CCDC187: variants seen among roughly 807,000 people sequenced by gnomAD.
The protein encoded by CCDC187 is coiled-coil domain-containing protein 187.
CCDC187 carries 32 observed loss-of-function variants against 38.0 expected under a neutral mutation model. The ratio of observed to expected loss-of-function variants is 0.84; its 90% CI spans 0.64 to 1.13. CCDC187 has a LOEUF of 1.13. Among genes scored for constraint, CCDC187 ranks in the 50% most tolerant of loss-of-function variants. CCDC187 has a pLI of 0.00. For missense variants in CCDC187, 707 were observed against 786.8 expected (o/e 0.90, Z 1.21); for synonymous variants, 333 against 347.9 (o/e 0.96, Z 0.48).
chr9:136,302,582 C>G (rs1398025935), intron 2 of CCDC187, among the ~76,000 whole-genome samples: 1 of 152,240 alleles, frequency 6.6e-6, no homozygotes, highest in Non-Finnish European at 1.5e-5. Flanking sequence ...GCCCCTCCCT[C>G]CTGGGCGCTG....
At position 136,293,329 on chromosome 9, in the gene CCDC187, TTA is replaced by T. The variant is rs1318293799; in HGVS notation, c.833-1036_833-1035del. Among the ~76,000 whole-genome samples the T allele has an allele frequency of 2.3e-3, 313 of 137,870 alleles. 2 individuals carry two copies. Among genetic ancestry groups the T allele is most frequent in the Non-Finnish European group, 2.3e-3 (150 of 64,818 alleles). The allele number at this position is 137,870 out of a possible 152,430, so 90.4% of individuals were successfully genotyped here. ...TGTTCACACACTCACACTCACATGC[TTA>T]CACACTCACACTCACATGCTCACAC... is the stretch of plus-strand genomic sequence containing the variant. On this transcript the variant is annotated intron_variant, in intron 4 of 25. Transcript: ENST00000638797.
At chr9:136,279,235 C>T (rs1459537790) in intron 10 of CCDC187, among the ~76,000 whole-genome samples, 1 of 152,200 alleles carries the variant, frequency 6.6e-6, no homozygotes, top group Non-Finnish European at 1.5e-5. Flanking sequence ...TTCCATTGGA[C>T]AGCTCTGGTC....
rs1830708409 is a variant in CCDC187, at chr9:136,263,769, C to CCTGCCTGTCCCGG, written c.3764_3765insCCGGGACAGGCAG (p.Gln1255HisfsTer109). ...GCTTCCTGTCCCGGTGCCTGAACAG[C>CCTGCCTGTCCCGG]TGCGTGTGTCTCAGGTATTGGATTT... On this transcript the variant is annotated frameshift_variant, in exon 18 of 26. Coordinates refer to ENST00000638797, the MANE Select transcript of CCDC187 (RefSeq NM_001378188.1). LOFTEE classifies it high-confidence loss of function. 2.0e-6 allele frequency: 2 copies of CCTGCCTGTCCCGG among 985,376 alleles called. No individual in the cohort carries two copies. Among genetic ancestry groups the CCTGCCTGTCCCGG allele is most frequent in the Admixed American group, 1.2e-4 (2 of 16,272 alleles). 61.0% of individuals were successfully genotyped at this position (985,376 alleles called of 1,614,324 possible).
At chr9:136,283,418 C>CGGACA (rs1831093897) in intron 9 of CCDC187, among the ~76,000 whole-genome samples, 1 of 152,224 alleles carries the variant, frequency 6.6e-6, no homozygotes, top group Non-Finnish European at 1.5e-5. Context: ...TGAGTGGCAA[C>CGGACA]GGACAGGCCA....
chr9:136,261,959 A>G (rs1271815262), intron 19 of CCDC187, among the ~76,000 whole-genome samples: 1 of 152,206 alleles, frequency 6.6e-6, no homozygotes, highest in Admixed American at 6.5e-5. Flanking sequence ...TCCTCCTCCC[A>G]TGGCCAGGCT....
intron 14 of CCDC187, among the ~76,000 whole-genome samples, chr9:136,272,497 C>T (rs985345281): frequency 2.0e-5 from 3 of 152,038 alleles, no homozygotes; most frequent in African/African-American, 7.2e-5. Flanking sequence ...GAGGTCAGGA[C>T]TTCGAGACCA....
intron 9 of CCDC187, 62 bp from the exon 10 acceptor site, chr9:136,281,725 G>A: frequency 5.0e-6 from 2 of 398,502 alleles, no homozygotes; most frequent in East Asian, 7.1e-5. Flanking sequence ...GAGGCAGGGA[G>A]ATCCGGGGGA....
At position 136,286,661 on chromosome 9, in the gene CCDC187, C is replaced by T. The variant is rs1055697739; in HGVS notation, c.2257G>A (p.Ala753Thr). ...CLCLNRAWNH[A>T]ETLDPPGMGG... ...ATCCCTGGGGGATCTAGGGTCTCAG[C>T]ATGGTTCCAGGCTCTGTTCAAACAC... The change falls in exon 8 of 26, where the codon GCT becomes ACT. Residue 753 changes from alanine (A) to threonine (T), a missense_variant. By Grantham distance (58) the Ala-to-Thr change is moderately conservative. Coordinates refer to ENST00000638797, the MANE Select transcript of CCDC187 (RefSeq NM_001378188.1). 32 of 398,752 alleles carry T rather than the reference C, an allele frequency of 8.0e-5. No individual in the cohort carries two copies. The highest frequency in any genetic ancestry group is 1.2e-3 in the Middle Eastern group (2 of 1,610). 24.7% of individuals were successfully genotyped at this position (398,752 alleles called of 1,614,324 possible).
chr9:136,287,159 CG>C (rs1831201710), intron 7 of CCDC187, among the ~76,000 whole-genome samples: 1 of 152,186 alleles, frequency 6.6e-6, no homozygotes, highest in Non-Finnish European at 1.5e-5. Flanking sequence ...TCCACCGACA[CG>C]GCGGAATAGT....
intron 19 of CCDC187, among the ~76,000 whole-genome samples, chr9:136,260,475 A>T (rs1276244559): frequency 1.3e-5 from 2 of 151,266 alleles, no homozygotes; most frequent in Admixed American, 1.3e-4. Context: ...TCTCCCCAGC[A>T]TGTGGCCCCT....
At chr9:136,275,997 G>A (rs1830924347) in intron 12 of CCDC187, among the ~76,000 whole-genome samples, 197 bp downstream of exon 12, 1 of 152,160 alleles carries the variant, frequency 6.6e-6, no homozygotes, top group Non-Finnish European at 1.5e-5. Flanking sequence ...GCGCCCCCAG[G>A]ACACATGTGG....
In CCDC187 at chr9:136,303,857, T is replaced by TGC. The variant is rs1831751848; in HGVS notation, c.-29_-28dup. ...GCCGCGGGGCTGAGGGGAGAGCAGG[T>TGC]GCAAGGTCAACCTGGCCCGCCCTGC... On this transcript the variant is annotated 5_prime_UTR_variant, in exon 1 of 26. Transcript: ENST00000638797. The TGC allele has an allele frequency of 6.6e-6, 1 of 152,326 alleles. No homozygotes were observed. The highest frequency in any genetic ancestry group is 1.5e-5 in the Non-Finnish European group (1 of 68,152). The allele number at this position is 152,326 out of a possible 1,614,324, so 9.4% of individuals were successfully genotyped here.
At chr9:136,284,312 A>G (rs914292759) in intron 9 of CCDC187, among the ~76,000 whole-genome samples, 4,389 of 152,252 alleles carry the variant, frequency 0.029, 77 homozygotes, top group Middle Eastern at 0.082. Context: ...GGTGGGTGGC[A>G]TGACCCAGGC....
At chr9:136,255,608 T>G in intron 25 of CCDC187, 49 bp downstream of exon 25, 1 of 870,332 alleles carries the variant, frequency 1.1e-6, no homozygotes, top group Non-Finnish European at 1.4e-6. Context: ...TGGGGGACCC[T>G]TAGTGGGGAC....
At chr9:136,299,451 C>T (rs942905705) in intron 3 of CCDC187, among the ~76,000 whole-genome samples, 36 of 152,324 alleles carry the variant, frequency 2.4e-4, no homozygotes, top group South Asian at 4.1e-4. Flanking sequence ...GAAACGCCTC[C>T]GCTCCCAAGC....
rs1037674677 is a variant in CCDC187 at position 136,258,910 on chromosome 9, G to A, written c.4366+22C>T. The A allele has an allele frequency of 5.5e-5, 54 of 985,524 alleles. No individual in the cohort carries two copies. The highest frequency in any genetic ancestry group is 1.1e-4 in the East Asian group (1 of 8,790). The allele number at this position is 985,524 out of a possible 1,614,324, so 61.0% of individuals were successfully genotyped here. Reference sequence around the variant, plus strand: ...AGTGTCTGGCGCCGTGGAGGCCCACGCGGTGTTTCCAGGGTGCTTACCTGG... The same window carrying A: ...AGTGTCTGGCGCCGTGGAGGCCCACACGGTGTTTCCAGGGTGCTTACCTGG... On this transcript the variant is annotated intron_variant, in intron 22 of 25. Coordinates refer to ENST00000638797, the MANE Select transcript of CCDC187 (RefSeq NM_001378188.1). This position sits in a 1 kb window ranked among gnomAD's most constrained non-coding sequence, Gnocchi z 4.3.
At chr9:136,263,588 G>A in intron 18 of CCDC187, 34 bp downstream of exon 18, 2 of 985,060 alleles carry the variant, frequency 2.0e-6, no homozygotes, top group Non-Finnish European at 2.4e-6. Flanking sequence ...CAGCATTTCT[G>A]CAGCTGAGTC....
chr9:136,297,112 T>C (rs1414925130), intron 4 of CCDC187, among the ~76,000 whole-genome samples: 2 of 151,958 alleles, frequency 1.3e-5, no homozygotes, highest in African/African-American at 2.4e-5. Context: ...CATGCCAGTA[T>C]CTGTTACTGC....
Position 136,258,872 on chromosome 9 carries a change from T to C in CCDC187, c.4366+60A>G. The C allele has an allele frequency of 1.0e-6, 1 of 985,532 alleles. No individual in the cohort carries two copies. Among genetic ancestry groups the C allele is most frequent in the Non-Finnish European group, 1.2e-6 (1 of 830,024 alleles). The allele number at this position is 985,532 out of a possible 1,614,324, so 61.0% of individuals were successfully genotyped here. On this transcript the variant is annotated intron_variant, in intron 22 of 25. Coordinates refer to ENST00000638797, the MANE Select transcript of CCDC187 (RefSeq NM_001378188.1). The surrounding 1 kb of genome is among the most constrained non-coding windows in gnomAD (Gnocchi z 4.3). Reference sequence around the variant, plus strand: ...AGCTCCAGCCTCGGACAGGCTCTGCTGGATGTGGGGGAAGTGTCTGGCGCC... The same window carrying C: ...AGCTCCAGCCTCGGACAGGCTCTGCCGGATGTGGGGGAAGTGTCTGGCGCC...
Sources: allele counts gnomAD v4.1 joint callset (sites outside exome capture counted in the v4.1 genomes callset), GRCh38; gene constraint gnomAD v4.1.1; non-coding constraint Gnocchi (gnomAD v3.1); transcripts MANE v1.5; gene names NCBI Gene and HGNC (gene_info 2026-07-23, HGNC 2026-07-21).